POLI: variants seen among roughly 807,000 people sequenced by gnomAD.
POLI encodes RAD30 homolog B.
A neutral mutation model predicts 51.6 loss-of-function variants in POLI; 58 were observed. That is an observed-to-expected ratio of 1.12 (90% CI 0.91 to 1.40). POLI has a LOEUF of 1.40. Among genes scored for constraint, POLI ranks in the 40% most tolerant of loss-of-function variants. POLI has a pLI of 0.00. For synonymous variants in POLI, 322 were observed against 299.7 expected, an observed-to-expected ratio of 1.07 and a Z score of -0.77; for missense variants, 921 against 871.3, an observed-to-expected ratio of 1.06 and a Z score of -0.72.
Position 54,293,862 on chromosome 18 carries a change from CAAG to C in POLI, c.1624_1626del (p.Glu542del). 6.2e-7 allele frequency: 1 copy of C among 1,611,674 alleles called. No individual in the cohort carries two copies. Reference sequence around the variant, plus strand: ...CTTCAAGCAGCTTCCAGTAGATATTCAAGAAGAAATCCTTTCTGGAAAATCTAG... The same window carrying C: ...CTTCAAGCAGCTTCCAGTAGATATTCAAGAAATCCTTTCTGGAAAATCTAG... On this transcript the variant is annotated inframe_deletion, in exon 10 of 10. Coordinates refer to ENST00000579534, the MANE Select transcript of POLI (RefSeq NM_007195.3).
chr18:54,269,847 C>T, intron 1 of POLI, 186 bp downstream of exon 1: 12 of 1,339,624 alleles, frequency 9.0e-6, no homozygotes, highest in African/African-American at 7.7e-5. Flanking sequence ...TGGCTTCACC[C>T]AGCAGGAGTA....
chr18:54,279,879 T>C (rs2087420963), intron 4 of POLI, among the ~76,000 whole-genome samples: 1 of 152,236 alleles, frequency 6.6e-6, no homozygotes, highest in African/African-American at 2.4e-5. Flanking sequence ...CTTTAAAGTA[T>C]AATGTTAGCT....
downstream of POLI, among the ~76,000 whole-genome samples, chr18:54,298,866 G>T (rs573597093): frequency 4.3e-4 from 65 of 152,122 alleles, no homozygotes; most frequent in South Asian, 5.2e-3. Context: ...AGATACAGGT[G>T]TGAGTCACCA....
chr18:54,291,866 T>A lies in POLI; in HGVS notation c.1232T>A (p.Ile411Lys). 4 of 1,600,066 alleles carry A rather than the reference T, an allele frequency of 2.5e-6. No homozygotes were observed. ...NYDVMTPMVD[I>K]LMKLFRNMVN... Reference sequence around the variant, plus strand: ...GATGTGATGACCCCAATGGTTGATATACTTATGAAACTTTTTCGAAATATG... The same window carrying A: ...GATGTGATGACCCCAATGGTTGATAAACTTATGAAACTTTTTCGAAATATG... The change falls in exon 9 of 10, where the codon ATA becomes AAA. Residue 411 changes from isoleucine (I) to lysine (K), a missense_variant. By Grantham distance (102) the Ile-to-Lys change is moderately radical (BLOSUM62 -3). Transcript: ENST00000579534.
intron 3 of POLI, among the ~76,000 whole-genome samples, chr18:54,318,525 A>G (rs1439558388): frequency 1.3e-5 from 2 of 152,192 alleles, no homozygotes; most frequent in African/African-American, 4.8e-5. Context: ...CAAAGATCTC[A>G]TATTAGTAAA....
Position 54,280,643 on chromosome 18 carries a change from G to A in POLI, c.560-24G>A, listed in dbSNP as rs766024075. The A allele has an allele frequency of 8.8e-6, 13 of 1,469,722 alleles. No homozygotes were observed. In the African/African-American group the frequency reaches 1.1e-4, roughly 13 times the overall value. 91.0% of individuals were successfully genotyped at this position (1,469,722 alleles called of 1,614,324 possible). A position where few individuals can be genotyped will look rare whatever the true frequency, so the allele number is the denominator to read the frequency against. On this transcript the variant is annotated intron_variant, in intron 4 of 9. Transcript: ENST00000579534. ...AGAAAAAGGTTTTTCTTGTGACTTT[G>A]AATGACATTTGTTGTTTTTAAAGCT...
At chr18:54,270,807 G>A (rs1031823860) in intron 1 of POLI, 13 of 152,150 alleles carry the variant, frequency 8.5e-5, no homozygotes, top group African/African-American at 3.1e-4. Flanking sequence ...TTTATTGGTG[G>A]TCTGTTATGT....
chr18:54,308,846 G>C (rs1167666176), intron 3 of POLI, among the ~76,000 whole-genome samples: 1 of 151,950 alleles, frequency 6.6e-6, no homozygotes, highest in Non-Finnish European at 1.5e-5. Context: ...TTCAATCACT[G>C]ATACCCTTTC....
At chr18:54,272,693 T>C (rs185405541) in intron 2 of POLI, among the ~76,000 whole-genome samples, 87 of 151,010 alleles carry the variant, frequency 5.8e-4, no homozygotes, top group African/African-American at 2.1e-3. Context: ...GGTGGTCTCG[T>C]ATGCTTGAAT....
At chr18:54,273,571 A>G (rs1358886037) in intron 2 of POLI, among the ~76,000 whole-genome samples, 3 of 152,080 alleles carry the variant, frequency 2.0e-5, no homozygotes, top group South Asian at 2.1e-4. Flanking sequence ...TGCCTTTTGT[A>G]TATGAATAAT....
rs1396707520 is a variant in POLI at position 54,282,882 on chromosome 18, A to G, written c.842A>G (p.Asn281Ser). ...AAATGTCTTGAAGCACTGGGTATCAATAGTGTGCGTGATCTCCAAACCTTT... is the reference window on the plus strand; with the variant it reads ...AAATGTCTTGAAGCACTGGGTATCAGTAGTGTGCGTGATCTCCAAACCTTT... ...TAKCLEALGI[N>S]SVRDLQTFSP... The change falls in exon 6 of 10, where the codon AAT becomes AGT. Residue 281 changes from asparagine (N) to serine (S), a missense_variant. Physicochemically the swap from Asn to Ser is conservative, Grantham distance 46 (BLOSUM62 1). Transcript: ENST00000579534. 10 of 1,579,442 alleles carry G rather than the reference A, an allele frequency of 6.3e-6. No individual in the cohort carries two copies. The highest frequency in any genetic ancestry group is 2.3e-5 in the East Asian group (1 of 43,578).
chr18:54,272,447 G>C (rs947003265), intron 2 of POLI, among the ~76,000 whole-genome samples: 2 of 152,066 alleles, frequency 1.3e-5, no homozygotes, highest in African/African-American at 4.8e-5. Flanking sequence ...GTTTTTGGGG[G>C]AAAACGAAAG....
intron 3 of POLI, among the ~76,000 whole-genome samples, chr18:54,274,471 AG>A (rs1318839235): frequency 2.6e-5 from 4 of 152,182 alleles, no homozygotes; most frequent in African/African-American, 9.6e-5. Context: ...GATAATTGAA[AG>A]AGGCTTCTGT....
At chr18:54,271,805 G>A (rs891539133) in intron 2 of POLI, among the ~76,000 whole-genome samples, 3 of 152,170 alleles carry the variant, frequency 2.0e-5, no homozygotes, top group Non-Finnish European at 4.4e-5. Context: ...TACAGGCTTT[G>A]TTCTCAAAAA....
rs1263111610 is a variant in POLI, at chr18:54,280,015, A to G, written c.560-652A>G. 2.0e-5 allele frequency among the ~76,000 whole-genome samples: 3 copies of G among 152,146 alleles called. No individual in the cohort carries two copies. The East Asian group carries it at 5.8e-4, about 29-fold the overall frequency. Reference sequence around the variant, plus strand: ...AATGTGTTAATTATTAAGCACTCCCACTACACAGTCACTATCACAGGCCCT... The same window carrying G: ...AATGTGTTAATTATTAAGCACTCCCGCTACACAGTCACTATCACAGGCCCT... On this transcript the variant is annotated intron_variant, in intron 4 of 9. Transcript: ENST00000579534.
chr18:54,292,202 T>C (rs1392631827), intron 9 of POLI, among the ~76,000 whole-genome samples, 164 bp downstream of exon 9: 2 of 152,160 alleles, frequency 1.3e-5, no homozygotes, highest in African/African-American at 4.8e-5. Flanking sequence ...TTATGGTTTC[T>C]GGCCTTAAAT....
intron 5 of POLI, among the ~76,000 whole-genome samples, chr18:54,282,068 T>C (rs770868686): frequency 6.6e-6 from 1 of 152,136 alleles, no homozygotes; most frequent in Non-Finnish European, 1.5e-5. Flanking sequence ...ATAGTTGTAT[T>C]CTGGATGGTA....
downstream of POLI, among the ~76,000 whole-genome samples, chr18:54,303,141 A>G (rs1376328013): frequency 6.6e-6 from 1 of 152,224 alleles, no homozygotes; most frequent in Non-Finnish European, 1.5e-5. Context: ...ACTTAAAGGT[A>G]GAAGCTCTCA....
rs915133014 is a variant in POLI, at chr18:54,297,374, G to A, written c.*2907G>A. On this transcript the variant is annotated 3_prime_UTR_variant, in exon 10 of 10. Coordinates refer to ENST00000579534, the MANE Select transcript of POLI (RefSeq NM_007195.3). ...TCTGTTTCTCTCTTGAGTGTATAGT[G>A]TAGAGGGGGTTTCTGTCTTGAGTGT... is the stretch of plus-strand genomic sequence containing the variant. 1.0e-6 allele frequency: 1 copy of A among 983,246 alleles called. No individual in the cohort carries two copies. Among genetic ancestry groups the A allele is most frequent in the Non-Finnish European group, 1.2e-6 (1 of 828,472 alleles). The allele number at this position is 983,246 out of a possible 1,614,324, so 60.9% of individuals were successfully genotyped here.
Sources: gnomAD v4.1 joint callset for allele counts (sites outside exome capture counted in the v4.1 genomes callset) on GRCh38, gnomAD v4.1.1 for gene constraint, MANE v1.5 for transcripts, NCBI Gene and HGNC (gene_info 2026-07-23, HGNC 2026-07-21) for gene names.